Variants in HERC2 observed in about 807,000 individuals in gnomAD.
The protein encoded by HERC2 is E3 ubiquitin-protein ligase HERC2.
Under a neutral mutation model 537.7 loss-of-function variants are expected in HERC2, and 102 were observed. The ratio of observed to expected loss-of-function variants is 0.19; its 90% CI spans 0.16 to 0.22. HERC2 has a LOEUF of 0.22. HERC2 is among the 10% of genes least tolerant of loss of function. The pLI, the probability that HERC2 is intolerant of heterozygous loss-of-function variation, is 1.00. For missense variants in HERC2, 4,236 were observed against 6,198.2 expected (o/e 0.68, Z 10.63); for synonymous variants, 2,224 against 2,466.2 (o/e 0.90, Z 2.91).
At chr15:28,112,183 A>T (rs1459609523) in intron 92 of HERC2, 148 bp from the exon 93 acceptor site, 3 of 713,254 alleles carry the variant, frequency 4.2e-6, no homozygotes, top group Admixed American at 5.6e-5. Context: ...TTTAGGAGTA[A>T]CGAGGAGCAA....
At chr15:28,304,165 C>CAAAAAAAAAAAAAAAAAAAAA (rs779514776) in intron 2 of HERC2, among the ~76,000 whole-genome samples, 2 of 63,816 alleles carry the variant, frequency 3.1e-5, no homozygotes, top group African/African-American at 5.5e-5. Flanking sequence ...GACTCCATCT[C>CAAAAAAAAAAAAAAAAAAAAA]AAAAAAAAAA....
At chr15:28,126,781 G>A (rs966175775) in intron 83 of HERC2, among the ~76,000 whole-genome samples, 1 of 152,062 alleles carries the variant, frequency 6.6e-6, no homozygotes, top group African/African-American at 2.4e-5. Flanking sequence ...TGGGTGATGG[G>A]AGCACCCACC....
chr15:28,269,212 A>C (rs1213679702), intron 11 of HERC2, 36 bp downstream of exon 11: 1 of 1,579,708 alleles, frequency 6.3e-7, no homozygotes, highest in Non-Finnish European at 8.7e-7. Context: ...CTGCCCCGCA[A>C]GGGAACACTG....
chr15:28,296,009 C>T (rs2076459555), intron 3 of HERC2, among the ~76,000 whole-genome samples: 1 of 151,680 alleles, frequency 6.6e-6, no homozygotes, highest in South Asian at 2.1e-4. Context: ...AATTCTGAGA[C>T]CCTGTCTCAG....
rs1468031464 is a variant in HERC2, at chr15:28,176,361, G to A, written c.9686+67C>T. The A allele has an allele frequency of 1.5e-5, 23 of 1,484,700 alleles. No homozygotes were observed. Among genetic ancestry groups the A allele is most frequent in the Middle Eastern group, 3.6e-4 (2 of 5,488 alleles). 92.0% of individuals were successfully genotyped at this position (1,484,700 alleles called of 1,614,324 possible). A position where few individuals can be genotyped will look rare whatever the true frequency, so the allele number is the denominator to read the frequency against. ...CAATCACGCCGGGTGAGCCTGGGGC[G>A]AGGCCCAGGTTCCCTGCACACACCT... On this transcript the variant is annotated intron_variant, in intron 63 of 92. Coordinates refer to ENST00000261609, the MANE Select transcript of HERC2 (RefSeq NM_004667.6). This position sits in a 1 kb window ranked among gnomAD's most constrained non-coding sequence, Gnocchi z 5.0.
intron 4 of HERC2, among the ~76,000 whole-genome samples, chr15:28,287,078 A>G (rs1298538347): frequency 6.6e-6 from 1 of 152,210 alleles, no homozygotes; most frequent in Non-Finnish European, 1.5e-5. Context: ...TTTTCTGTAT[A>G]ATTTTTTTCA....
intron 5 of HERC2, 53 bp from the exon 6 acceptor site, chr15:28,275,058 T>TA: frequency 8.7e-7 from 1 of 1,154,868 alleles, no homozygotes; most frequent in Non-Finnish European, 1.3e-6. Flanking sequence ...AGGGTGCAGA[T>TA]ACTACATAAA....
chr15:28,200,944 A>C (rs1385393228), intron 48 of HERC2, among the ~76,000 whole-genome samples: 1 of 142,754 alleles, frequency 7.0e-6, no homozygotes, highest in Non-Finnish European at 1.5e-5. Flanking sequence ...TAGATTTTTA[A>C]AGTTTGATGG....
chr15:28,249,461 A>AC (rs1268364060), intron 20 of HERC2, among the ~76,000 whole-genome samples: 1 of 152,192 alleles, frequency 6.6e-6, no homozygotes, highest in Non-Finnish European at 1.5e-5. Context: ...CCAGAAGGTA[A>AC]AGTTAGGAGA....
At chr15:28,149,785 T>C (rs978549508) in intron 70 of HERC2, among the ~76,000 whole-genome samples, 1 of 150,542 alleles carries the variant, frequency 6.6e-6, no homozygotes, top group Non-Finnish European at 1.5e-5. Flanking sequence ...ATGTATATTC[T>C]AGTAAAATCA....
intron 52 of HERC2, among the ~76,000 whole-genome samples, chr15:28,195,486 T>C (rs1897271909): frequency 6.6e-6 from 1 of 152,112 alleles, no homozygotes; most frequent in Non-Finnish European, 1.5e-5. Flanking sequence ...GATATATGCA[T>C]ACAGTGGAAT....
chr15:28,203,848 G>A (rs937510164), intron 45 of HERC2: 16 of 151,926 alleles, frequency 1.1e-4, no homozygotes, highest in Non-Finnish European at 1.9e-4. Context: ...CAAAGGGACC[G>A]CTGGAAGGCT....
intron 48 of HERC2, among the ~76,000 whole-genome samples, 154 bp downstream of exon 48, chr15:28,201,302 C>A (rs1173450572): frequency 6.6e-6 from 1 of 152,314 alleles, no homozygotes; most frequent in African/African-American, 2.4e-5. Flanking sequence ...TCTAGCGTAC[C>A]ATGAGCTCAC....
rs147040169 is a variant in HERC2 at position 28,289,832 on chromosome 15, C to A, written c.322+3056G>T. Among the ~76,000 whole-genome samples, 226 of 152,280 alleles carry A rather than the reference C, an allele frequency of 1.5e-3. 1 individual carries two copies. The highest frequency in any genetic ancestry group is 5.1e-3 in the African/African-American group (212 of 41,558). The stretch of plus-strand genomic sequence containing the variant: ...TGCTCCTTGTGCAGTGAGAGGACGA[C>A]ACACCTCAGTGAGAGGATGACACGC... On this transcript the variant is annotated intron_variant, in intron 4 of 92. Coordinates refer to ENST00000261609, the MANE Select transcript of HERC2 (RefSeq NM_004667.6).
intron 2 of HERC2, among the ~76,000 whole-genome samples, chr15:28,307,673 T>C (rs2076828180): frequency 6.6e-6 from 1 of 152,222 alleles, no homozygotes; most frequent in Non-Finnish European, 1.5e-5. Flanking sequence ...TCGTTATCAA[T>C]TTTTAGTTAT....
chr15:28,214,941 C>T (rs1015189610), intron 39 of HERC2, 139 bp from the exon 40 acceptor site: 42 of 662,926 alleles, frequency 6.3e-5, no homozygotes, highest in Non-Finnish European at 8.8e-5. Flanking sequence ...GGCACGGTCT[C>T]GGCTCACTAC....
At chr15:28,180,120 T>C (rs1895687110) in intron 57 of HERC2, among the ~76,000 whole-genome samples, 1 of 152,240 alleles carries the variant, frequency 6.6e-6, no homozygotes, top group Non-Finnish European at 1.5e-5. Flanking sequence ...CCATTATTCA[T>C]GGTAAGTGCC....
At chr15:28,137,606 T>C (rs1350564905) in intron 78 of HERC2, among the ~76,000 whole-genome samples, 1 of 152,228 alleles carries the variant, frequency 6.6e-6, no homozygotes, top group East Asian at 1.9e-4. Context: ...ACCACACCCA[T>C]AGAAGACGGT....
intron 86 of HERC2, among the ~76,000 whole-genome samples, chr15:28,118,761 T>C (rs1244340071): frequency 3.3e-5 from 5 of 152,236 alleles, no homozygotes; most frequent in Non-Finnish European, 7.3e-5. Flanking sequence ...GTGCACACCC[T>C]GAATTCAAAC....
Sources: gnomAD v4.1 joint callset for allele counts (sites outside exome capture counted in the v4.1 genomes callset) on GRCh38, gnomAD v4.1.1 for gene constraint, Gnocchi (gnomAD v3.1) non-coding constraint, MANE v1.5 for transcripts, NCBI Gene and HGNC (gene_info 2026-07-23, HGNC 2026-07-21) for gene names.